Variants in PABPC4L observed in about 807,000 individuals in gnomAD.
The protein encoded by PABPC4L is poly(A) binding protein cytoplasmic 4 like, also known as polyadenylate-binding protein 4-like.
For synonymous variants in PABPC4L, 169 were observed against 164.1 expected (o/e 1.03, Z -0.23); for missense variants, 452 against 451.4 (o/e 1.00, Z -0.01).
At chr4:133,976,682 G>T in the PABPC4L span, among the ~76,000 whole-genome samples, 16 of 152,112 alleles carry the variant, frequency 1.1e-4, no homozygotes, top group Non-Finnish European at 2.2e-4. Context: ...ATCTCATTGT[G>T]GTTTTGATTT....
At chr4:134,102,928 C>T in the PABPC4L span, among the ~76,000 whole-genome samples, 1 of 151,200 alleles carries the variant, frequency 6.6e-6, no homozygotes, top group Admixed American at 6.6e-5. Context: ...TATGATAGTG[C>T]ATAGAGAATA....
chr4:134,152,725 T>C, the PABPC4L span, among the ~76,000 whole-genome samples: 1 of 152,164 alleles, frequency 6.6e-6, no homozygotes, highest in African/African-American at 2.4e-5. Flanking sequence ...ATTTACTGCA[T>C]TAGTCTGTTT....
At chr4:134,119,043 A>G in the PABPC4L span, among the ~76,000 whole-genome samples, 44 of 151,776 alleles carry the variant, frequency 2.9e-4, no homozygotes, top group African/African-American at 1.0e-3. Context: ...CATGAGTCTT[A>G]ATATTATTAA....
chr4:133,977,458 A>G, the PABPC4L span, among the ~76,000 whole-genome samples: 293 of 151,562 alleles, frequency 1.9e-3, 1 homozygote, highest in African/African-American at 6.6e-3. Context: ...AAGAATGTCA[A>G]TGGTAGTTTA....
At chr4:133,982,936 T>G in the PABPC4L span, among the ~76,000 whole-genome samples, 1 of 151,992 alleles carries the variant, frequency 6.6e-6, no homozygotes, top group Non-Finnish European at 1.5e-5. Flanking sequence ...ATTCCTACAG[T>G]TACAAATATG....
the PABPC4L span, among the ~76,000 whole-genome samples, chr4:134,099,945 C>A: frequency 5.3e-4 from 81 of 151,740 alleles, 1 homozygote; most frequent in South Asian, 6.2e-3. Flanking sequence ...ATGGTCAGAC[C>A]CTGTCCACTT....
At chr4:134,170,141 C>T in the PABPC4L span, among the ~76,000 whole-genome samples, 107,668 of 151,986 alleles carry the variant, frequency 0.71, 39,715 homozygotes, top group East Asian at 0.99. Context: ...ATGTGGTATT[C>T]GGTTTTCTGT....
the PABPC4L span, among the ~76,000 whole-genome samples, chr4:134,071,231 G>T: frequency 6.6e-6 from 1 of 151,978 alleles, no homozygotes; most frequent in Non-Finnish European, 1.5e-5. Flanking sequence ...TGCCATGCAG[G>T]GTTCCCAGCT....
At chr4:133,979,502 A>T in the PABPC4L span, among the ~76,000 whole-genome samples, 1 of 152,192 alleles carries the variant, frequency 6.6e-6, no homozygotes, top group Non-Finnish European at 1.5e-5. Context: ...TGTTTCCAAC[A>T]GATGCAATAC....
chr4:134,042,727 T>C, the PABPC4L span, among the ~76,000 whole-genome samples: 1 of 152,096 alleles, frequency 6.6e-6, no homozygotes, highest in Non-Finnish European at 1.5e-5. Flanking sequence ...GATTCTGACA[T>C]ACCAGACTTT....
chr4:133,969,841 A>G, the PABPC4L span, among the ~76,000 whole-genome samples: 67 of 152,146 alleles, frequency 4.4e-4, no homozygotes, highest in Non-Finnish European at 5.9e-5. Flanking sequence ...ATCATACTTC[A>G]GCTATCCAGC....
chr4:134,070,587 C>T, the PABPC4L span, among the ~76,000 whole-genome samples: 2 of 152,008 alleles, frequency 1.3e-5, no homozygotes, highest in African/African-American at 4.8e-5. Context: ...CACTCACATG[C>T]CGCTGGAGGA....
chr4:134,145,662 C>A, the PABPC4L span, among the ~76,000 whole-genome samples: 7 of 151,732 alleles, frequency 4.6e-5, no homozygotes, highest in African/African-American at 1.7e-4. Context: ...ATAAGGGCCA[C>A]AATAAAGTTT....
chr4:134,111,411 A>G, the PABPC4L span, among the ~76,000 whole-genome samples: 1 of 152,000 alleles, frequency 6.6e-6, no homozygotes, highest in East Asian at 1.9e-4. Context: ...ATATAGATAT[A>G]GATGATATAG....
chr4:133,954,773 T>C, the PABPC4L span, among the ~76,000 whole-genome samples: 3 of 152,274 alleles, frequency 2.0e-5, no homozygotes, highest in Admixed American at 2.0e-4. Context: ...ATGAAAAGAA[T>C]ATTAGGAATT....
chr4:134,004,818 G>A, the PABPC4L span, among the ~76,000 whole-genome samples: 1 of 151,840 alleles, frequency 6.6e-6, no homozygotes, highest in Non-Finnish European at 1.5e-5. Flanking sequence ...CAACATGGAT[G>A]AGTCTGGAGG....
chr4:133,989,171 T>C, the PABPC4L span, among the ~76,000 whole-genome samples: 1 of 152,166 alleles, frequency 6.6e-6, no homozygotes, highest in East Asian at 1.9e-4. Flanking sequence ...CTCTGATATG[T>C]CCTGAAGACA....
chr4:134,025,393 TTTC>T, the PABPC4L span, among the ~76,000 whole-genome samples: 1 of 151,686 alleles, frequency 6.6e-6, no homozygotes, highest in Admixed American at 6.6e-5. Context: ...CTTTTGAATA[TTTC>T]TTCTTCTATT....
chr4:134,121,824 C>G, the PABPC4L span, among the ~76,000 whole-genome samples: 2 of 151,682 alleles, frequency 1.3e-5, no homozygotes, highest in Non-Finnish European at 1.5e-5. Context: ...ATTATTGCAT[C>G]CTTGTACTCC....
Sources: gnomAD v4.1 joint callset for allele counts (sites outside exome capture counted in the v4.1 genomes callset) on GRCh38, gnomAD v4.1.1 for gene constraint, MANE v1.5 for transcripts, NCBI Gene and HGNC (gene_info 2026-07-23, HGNC 2026-07-21) for gene names.